ALPL: variants seen among roughly 807,000 people sequenced by gnomAD.
The protein encoded by ALPL is alkaline phosphatase, biomineralization associated.
A neutral mutation model predicts 51.3 loss-of-function variants in ALPL; 42 were observed. The observed-to-expected ratio is 0.82, with a 90% CI of 0.64 to 1.06. The LOEUF is 1.06. Ranked by LOEUF, ALPL falls within the 50% of genes least tolerant of loss-of-function variation. The pLI is 0.00. For missense variants in ALPL, 589 were observed against 709.4 expected, an observed-to-expected ratio of 0.83 and a Z score of 1.93; for synonymous variants, 279 against 296.4, an observed-to-expected ratio of 0.94 and a Z score of 0.60.
intron 11 of ALPL, 55 bp downstream of exon 11, chr1:21,576,696 G>A: frequency 6.2e-7 from 1 of 1,608,602 alleles, no homozygotes; most frequent in Non-Finnish European, 8.5e-7. Context: ...TCGGGGATGG[G>A]CTTGGGAATA....
intron 1 of ALPL, among the ~76,000 whole-genome samples, chr1:21,551,759 G>GCT (rs2148129637): frequency 8.6e-6 from 1 of 115,804 alleles, no homozygotes; most frequent in South Asian, 3.1e-4. Flanking sequence ...ACAGAGTCTC[G>GCT]CTGTCGCCCA....
At chr1:21,573,102 T>C (rs952370758) in intron 8 of ALPL, among the ~76,000 whole-genome samples, 1 of 152,128 alleles carries the variant, frequency 6.6e-6, no homozygotes, top group Non-Finnish European at 1.5e-5. Context: ...GAAACGGGCA[T>C]GGTGATCCCA....
intron 1 of ALPL, among the ~76,000 whole-genome samples, chr1:21,529,153 T>C (rs2148084003): frequency 6.6e-6 from 1 of 152,312 alleles, no homozygotes; most frequent in East Asian, 1.9e-4. Flanking sequence ...TATTTTCTTC[T>C]AGAAGCTTTG....
At chr1:21,529,632 T>C (rs1310287818) in intron 1 of ALPL, among the ~76,000 whole-genome samples, 2 of 152,232 alleles carry the variant, frequency 1.3e-5, no homozygotes, top group African/African-American at 2.4e-5. Flanking sequence ...ATTCTACTTA[T>C]GTGTTTGTTA....
chr1:21,560,796 G>C, intron 3 of ALPL, 51 bp downstream of exon 3: 1 of 1,611,340 alleles, frequency 6.2e-7, no homozygotes, highest in Non-Finnish European at 8.5e-7. Flanking sequence ...CTAGCTAGGA[G>C]CCCCGGGAGC....
chr1:21,568,350 C>A, intron 7 of ALPL, 103 bp downstream of exon 7: 2 of 1,519,308 alleles, frequency 1.3e-6, no homozygotes, highest in Non-Finnish European at 1.8e-6. Context: ...GAAAGGGCAT[C>A]GGAAATCTTT....
chr1:21,541,473 C>T (rs571059107), intron 1 of ALPL, among the ~76,000 whole-genome samples: 1 of 152,234 alleles, frequency 6.6e-6, no homozygotes, highest in Admixed American at 6.5e-5. Context: ...CACCCACCCT[C>T]TGACCCCATC....
chr1:21,534,673 T>C (rs1486843998), intron 1 of ALPL, among the ~76,000 whole-genome samples: 1 of 152,128 alleles, frequency 6.6e-6, no homozygotes, highest in Non-Finnish European at 1.5e-5. Flanking sequence ...AGTTTCTTCC[T>C]CTGCAAAAGG....
At chr1:21,545,836 A>G (rs555872893) in intron 1 of ALPL, among the ~76,000 whole-genome samples, 17 of 152,080 alleles carry the variant, frequency 1.1e-4, no homozygotes, top group East Asian at 9.7e-4. Context: ...TTTTATTTTG[A>G]GACAGAGTCT....
Position 21,554,799 on chromosome 1 carries a change from G to GTCTT in ALPL, c.61+660_61+661insTTCT, listed in dbSNP as rs1304886870. Among the ~76,000 whole-genome samples, 243 of 41,258 alleles carry GTCTT rather than the reference G, an allele frequency of 5.9e-3. 2 individuals carry two copies. Among genetic ancestry groups the GTCTT allele is most frequent in the Middle Eastern group, 0.028 (3 of 108 alleles). The allele number at this position is 41,258 out of a possible 152,430, so 27.1% of individuals were successfully genotyped here. A position where few individuals can be genotyped will look rare whatever the true frequency, so the allele number is the denominator to read the frequency against. On this transcript the variant is annotated intron_variant, in intron 2 of 11. Transcript: ENST00000374840. Reference sequence around the variant, plus strand: ...GCCACCGCGCCTGGCCTGTCTGTCTGTCTGTCTGTCTGTCTGTCTTTCTTT... The same window carrying GTCTT: ...GCCACCGCGCCTGGCCTGTCTGTCTGTCTTTCTGTCTGTCTGTCTGTCTTTCTTT...
chr1:21,577,535 G>T lies in ALPL; in HGVS notation c.1462G>T (p.Ala488Ser). 6.2e-7 allele frequency: 1 copy of T among 1,606,802 alleles called. No individual in the cohort carries two copies. Among genetic ancestry groups the T allele is most frequent in the Non-Finnish European group, 8.5e-7 (1 of 1,179,874 alleles). ...NYVPHVMAYA[A>S]CIGANLGHCA... ...CGTCCCCCACGTGATGGCGTATGCA[G>T]CCTGCATCGGGGCCAACCTCGGCCA... The change falls in exon 12 of 12, where the codon GCC (alanine) becomes TCC (serine). Residue 488 changes from alanine (A) to serine (S), a missense_variant. Ala to Ser is a moderately conservative substitution (Grantham distance 99, BLOSUM62 1). Transcript: ENST00000374840.
At position 21,563,126 on chromosome 1, in the gene ALPL, C is replaced by A; in HGVS notation, c.314C>A (p.Ala105Asp). The A allele has an allele frequency of 6.2e-7, 1 of 1,613,674 alleles. No homozygotes were observed. Among genetic ancestry groups the A allele is most frequent in the Non-Finnish European group, 8.5e-7 (1 of 1,180,020 alleles). ...CACCTGCAGACGTACAACACCAATG[C>A]CCAGGTCCCTGACAGTGCCGGCACC... Reference protein sequence around the residue: ...VALSKTYNTNAQVPDSAGTAT... With the variant: ...VALSKTYNTNDQVPDSAGTAT... The change falls in exon 5 of 12, where the codon GCC (alanine) becomes GAC (aspartate). Residue 105 changes from alanine (A) to aspartate (D), a missense_variant. By Grantham distance (126) the Ala-to-Asp change is moderately radical. Coordinates refer to ENST00000374840, the MANE Select transcript of ALPL (RefSeq NM_000478.6).
intron 1 of ALPL, among the ~76,000 whole-genome samples, chr1:21,520,467 T>TC (rs1491156147): frequency 5.5e-5 from 1 of 18,186 alleles, no homozygotes; most frequent in Non-Finnish European, 1.1e-4. Flanking sequence ...CTTTTTTCTC[T>TC]TTTTTTTTTT....
At chr1:21,571,389 C>T (rs1389186822) in intron 8 of ALPL, among the ~76,000 whole-genome samples, 2 of 152,274 alleles carry the variant, frequency 1.3e-5, no homozygotes, top group Non-Finnish European at 2.9e-5. Flanking sequence ...AGGCCAGGTG[C>T]AGGCCGGGTG....
At chr1:21,549,999 C>T (rs1256342) in intron 1 of ALPL, among the ~76,000 whole-genome samples, 17,912 of 152,218 alleles carry the variant, frequency 0.12, 1,191 homozygotes, top group Non-Finnish European at 0.15. Context: ...GACTGGGCAA[C>T]TCCATGTGGT....
intron 1 of ALPL, among the ~76,000 whole-genome samples, chr1:21,526,954 GAAAATTGTCTAGATTTTTAA>G (rs1643952281): frequency 6.6e-6 from 1 of 151,816 alleles, no homozygotes; most frequent in Non-Finnish European, 1.5e-5. Context: ...GATGTCACAT[GAAAATTGTCTAGATTTTTAA>G]AAAATTGTCT....
chr1:21,528,339 T>C (rs1243346622), intron 1 of ALPL, among the ~76,000 whole-genome samples: 1 of 141,954 alleles, frequency 7.0e-6, no homozygotes. Context: ...CCTGACCTAT[T>C]CAGTTTTTTT....
At chr1:21,543,406 T>C (rs1040496209) in intron 1 of ALPL, among the ~76,000 whole-genome samples, 1 of 151,808 alleles carries the variant, frequency 6.6e-6, no homozygotes, top group East Asian at 1.9e-4. Flanking sequence ...TTTTCACAAA[T>C]ATACACACGT....
chr1:21,549,220 C>T (rs867788727), intron 1 of ALPL, among the ~76,000 whole-genome samples: 6 of 152,314 alleles, frequency 3.9e-5, no homozygotes, highest in African/African-American at 1.4e-4. Flanking sequence ...ACCCCATTCC[C>T]TCTCCCTAGG....
Sources: allele counts gnomAD v4.1 joint callset (sites outside exome capture counted in the v4.1 genomes callset), GRCh38; gene constraint gnomAD v4.1.1; transcripts MANE v1.5; gene names NCBI Gene and HGNC (gene_info 2026-07-23, HGNC 2026-07-21).